The following NALCN variants were observed in gnomAD, a reference collection of about 807,000 sequenced individuals.
The protein encoded by NALCN is sodium leak channel NALCN.
Under a neutral mutation model 225.3 loss-of-function variants are expected in NALCN, and 111 were observed. The observed-to-expected ratio is 0.49, with a 90% CI of 0.42 to 0.58. The LOEUF (loss-of-function observed/expected upper bound fraction) is 0.58, where lower values mean the gene tolerates loss of function less well. Ranked by LOEUF, NALCN falls within the 20% of genes least tolerant of loss-of-function variation. The probability of loss-of-function intolerance (pLI) is 0.00; values close to 1 mark genes in which losing one functional copy is unlikely to be tolerated. For missense variants in NALCN, 1,378 were observed against 2,202.4 expected (o/e 0.63, Z 7.49); for synonymous variants, 764 against 769.0 (o/e 0.99, Z 0.11).
intron 13 of NALCN, among the ~76,000 whole-genome samples, chr13:101,194,210 G>C (rs1354248152): frequency 6.6e-6 from 1 of 152,116 alleles, no homozygotes; most frequent in Non-Finnish European, 1.5e-5. Context: ...GTGGGCAAGA[G>C]CACTGGGGTT....
intron 17 of NALCN, among the ~76,000 whole-genome samples, chr13:101,138,691 C>T (rs772194583): frequency 5.9e-5 from 9 of 152,216 alleles, no homozygotes; most frequent in African/African-American, 1.2e-4. Context: ...TAGACTCAAC[C>T]ACAGGTGAGA....
chr13:101,162,475 C>T (rs1344637875), intron 15 of NALCN, among the ~76,000 whole-genome samples: 1 of 152,204 alleles, frequency 6.6e-6, no homozygotes, highest in Non-Finnish European at 1.5e-5. Flanking sequence ...AGGGCAATGA[C>T]TCCAGCTCCA....
intron 20 of NALCN, among the ~76,000 whole-genome samples, chr13:101,109,726 G>T (rs964810777): frequency 1.3e-5 from 2 of 152,030 alleles, no homozygotes; most frequent in African/African-American, 4.8e-5. Flanking sequence ...TCTTTGCATG[G>T]TATAGCTGCT....
intron 15 of NALCN, among the ~76,000 whole-genome samples, chr13:101,160,537 TCTGTTACCTTTGCCTAGA>T: frequency 6.6e-6 from 1 of 152,314 alleles, no homozygotes; most frequent in South Asian, 2.1e-4. Context: ...GCTCCTCTTT[TCTGTTACCTTTGCCTAGA>T]CTGTTAAATT....
intron 7 of NALCN, among the ~76,000 whole-genome samples, chr13:101,314,200 G>T (rs1369786127): frequency 1.3e-5 from 2 of 150,966 alleles, no homozygotes; most frequent in African/African-American, 2.4e-5. Flanking sequence ...TTTGGAGATA[G>T]GCCTAATGCT....
chr13:101,258,620 A>G (rs2042319365), intron 10 of NALCN, 46 bp from the exon 11 acceptor site: 1 of 1,611,884 alleles, frequency 6.2e-7, no homozygotes, highest in Non-Finnish European at 8.5e-7. Context: ...AATAAACCTC[A>G]TGATTAAGTG....
Position 101,124,595 on chromosome 13 carries a change from T to C in NALCN, c.2192+13A>G. ...CTTGTGTTTAAATATGTGTCAACAT[T>C]AATTGGTGTTACCTTAAGATTTTAG... On this transcript the variant is annotated intron_variant, in intron 18 of 43. Transcript: ENST00000251127. The C allele has an allele frequency of 6.2e-7, 1 of 1,607,602 alleles. No individual in the cohort carries two copies. Among genetic ancestry groups the C allele is most frequent in the Non-Finnish European group, 8.5e-7 (1 of 1,175,928 alleles).
intron 7 of NALCN, among the ~76,000 whole-genome samples, chr13:101,301,896 C>A (rs984600784): frequency 6.6e-6 from 1 of 152,140 alleles, no homozygotes. Flanking sequence ...AGTGATGATA[C>A]TGCTGATCAC....
intron 1 of NALCN, among the ~76,000 whole-genome samples, chr13:101,405,675 C>G (rs866452833): frequency 6.6e-6 from 1 of 152,234 alleles, no homozygotes; most frequent in African/African-American, 2.4e-5. Context: ...TCCAGCAACT[C>G]TGCTGTCTCC....
At chr13:101,414,067 G>C in intron 1 of NALCN, among the ~76,000 whole-genome samples, 1 of 72,034 alleles carries the variant, frequency 1.4e-5, no homozygotes, top group South Asian at 3.9e-4. Flanking sequence ...TTTTTTTTTT[G>C]TAGAGACGGG....
At chr13:101,215,309 G>T (rs780249010) in intron 13 of NALCN, among the ~76,000 whole-genome samples, 1 of 152,136 alleles carries the variant, frequency 6.6e-6, no homozygotes. Flanking sequence ...GTACAAAAAT[G>T]TTCAGAGCAG....
chr13:101,292,126 G>A lies in NALCN; in HGVS notation c.943-32C>T. On this transcript the variant is annotated intron_variant, in intron 8 of 43. Transcript: ENST00000251127. The surrounding 1 kb of genome is among the most constrained non-coding windows in gnomAD (Gnocchi z 4.3). ...AAAATCACAAACCACATTTACCAAAGTCTAAGAATGACAAAGCAGAGGGCA... is the reference window on the plus strand; with the variant it reads ...AAAATCACAAACCACATTTACCAAAATCTAAGAATGACAAAGCAGAGGGCA... 6.2e-7 allele frequency: 1 copy of A among 1,612,904 alleles called. No individual in the cohort carries two copies.
At chr13:101,209,007 CT>C (rs1566433542) in intron 13 of NALCN, among the ~76,000 whole-genome samples, 1 of 152,208 alleles carries the variant, frequency 6.6e-6, no homozygotes, top group Non-Finnish European at 1.5e-5. Context: ...AAGTCATACA[CT>C]TCTAGTTATT....
chr13:101,148,092 G>A (rs573092009), intron 15 of NALCN, among the ~76,000 whole-genome samples: 5 of 152,074 alleles, frequency 3.3e-5, no homozygotes, highest in Non-Finnish European at 5.9e-5. Context: ...AATTTCTTAC[G>A]GGTCAATTGA....
At chr13:101,144,287 T>C (rs1296358519) in intron 16 of NALCN, among the ~76,000 whole-genome samples, 2 of 152,212 alleles carry the variant, frequency 1.3e-5, no homozygotes, top group East Asian at 1.9e-4. Context: ...AAATTATATA[T>C]GGTAACCTGA....
At chr13:101,347,139 T>C (rs576791790) in intron 6 of NALCN, among the ~76,000 whole-genome samples, 1 of 115,862 alleles carries the variant, frequency 8.6e-6, no homozygotes, top group Admixed American at 9.9e-5. Context: ...GTACATAGTT[T>C]TACACACACA....
intron 10 of NALCN, among the ~76,000 whole-genome samples, chr13:101,267,097 A>G (rs558743827): frequency 6.6e-6 from 1 of 152,300 alleles, no homozygotes; most frequent in South Asian, 2.1e-4. Context: ...GCCACGCCCT[A>G]TCAGTGGCTG....
chr13:101,407,214 G>A (rs573790302), intron 1 of NALCN, among the ~76,000 whole-genome samples: 2 of 152,276 alleles, frequency 1.3e-5, no homozygotes, highest in South Asian at 4.1e-4. Context: ...AGAGGTGACT[G>A]TTTATTTGAT....
At chr13:101,262,562 C>T (rs191841525) in intron 10 of NALCN, among the ~76,000 whole-genome samples, 1 of 152,324 alleles carries the variant, frequency 6.6e-6, no homozygotes, top group African/African-American at 2.4e-5. Flanking sequence ...AACACATGCC[C>T]TTACTGTCTG....
Sources: allele counts gnomAD v4.1 joint callset (sites outside exome capture counted in the v4.1 genomes callset), GRCh38; gene constraint gnomAD v4.1.1; non-coding constraint Gnocchi (gnomAD v3.1); transcripts MANE v1.5; gene names NCBI Gene and HGNC (gene_info 2026-07-23, HGNC 2026-07-21).